ANO4: variants seen among roughly 807,000 people sequenced by gnomAD.
ANO4 encodes anoctamin-4.
In ANO4, 69 loss-of-function variants were observed where a neutral mutation model predicts 141.9. The ratio of observed to expected loss-of-function variants is 0.49; its 90% CI spans 0.40 to 0.59. The LOEUF (loss-of-function observed/expected upper bound fraction) is 0.59, where lower values mean the gene tolerates loss of function less well. ANO4 is among the 20% of genes least tolerant of loss of function. The pLI is 0.00. For synonymous variants in ANO4, 350 were observed against 394.3 expected, an observed-to-expected ratio of 0.89 and a Z score of 1.33; for missense variants, 894 against 1,162.2, an observed-to-expected ratio of 0.77 and a Z score of 3.36.
At chr12:100,992,280 A>C (rs1456645100) in intron 8 of ANO4, among the ~76,000 whole-genome samples, 1 of 152,114 alleles carries the variant, frequency 6.6e-6, no homozygotes, top group Non-Finnish European at 1.5e-5. Flanking sequence ...CAAGCTCTTA[A>C]ATGCCTACCT....
intron 2 of ANO4, among the ~76,000 whole-genome samples, chr12:100,912,978 G>T (rs2041181449): frequency 1.3e-5 from 2 of 152,126 alleles, no homozygotes; most frequent in Admixed American, 6.5e-5. Flanking sequence ...TGTGATGTGA[G>T]TTTAGTCAAT....
intron 1 of ANO4, among the ~76,000 whole-genome samples, chr12:100,847,867 A>G (rs1431610323): frequency 6.6e-6 from 1 of 152,214 alleles, no homozygotes; most frequent in African/African-American, 2.4e-5. Context: ...GTCTTTAGTA[A>G]CATCAAGTTA....
chr12:101,015,022 TC>T (rs1764071150), intron 8 of ANO4, among the ~76,000 whole-genome samples: 3 of 142,026 alleles, frequency 2.1e-5, no homozygotes, highest in Non-Finnish European at 4.7e-5. Context: ...AGATGGGGTC[TC>T]ACTATGTTGC....
At chr12:100,744,762 C>T (rs1313030475) in intron 3 of ANO4, among the ~76,000 whole-genome samples, 1 of 152,206 alleles carries the variant, frequency 6.6e-6, no homozygotes, top group Non-Finnish European at 1.5e-5. Context: ...AAAGCTTCGT[C>T]TCCATCCCTA....
At chr12:100,905,420 G>A (rs2136043448) in intron 2 of ANO4, among the ~76,000 whole-genome samples, 1 of 152,290 alleles carries the variant, frequency 6.6e-6, no homozygotes, top group East Asian at 1.9e-4. Flanking sequence ...AAACCCAGAA[G>A]TGCCACATCT....
At chr12:100,824,388 G>C (rs1490909189) in intron 1 of ANO4, among the ~76,000 whole-genome samples, 1 of 151,884 alleles carries the variant, frequency 6.6e-6, no homozygotes, top group Non-Finnish European at 1.5e-5. Context: ...CTAGGAACTT[G>C]AACAAGCAAT....
intron 1 of ANO4, among the ~76,000 whole-genome samples, chr12:100,832,624 A>G (rs2036689185): frequency 6.6e-6 from 1 of 152,116 alleles, no homozygotes; most frequent in Non-Finnish European, 1.5e-5. Context: ...TTAGTTGAGG[A>G]ATAGTCAGCT....
At chr12:101,025,726 C>A (rs1424555340) in intron 9 of ANO4, among the ~76,000 whole-genome samples, 1 of 152,162 alleles carries the variant, frequency 6.6e-6, no homozygotes, top group Non-Finnish European at 1.5e-5. Flanking sequence ...AAGGGTAATA[C>A]ATCATGACCA....
chr12:100,954,007 G>A (rs2043079450), intron 5 of ANO4, among the ~76,000 whole-genome samples: 1 of 152,126 alleles, frequency 6.6e-6, no homozygotes, highest in South Asian at 2.1e-4. Flanking sequence ...GGAGAGGCCC[G>A]ACCTAGTTGC....
In ANO4 at chr12:101,111,438, C is replaced by G. The variant is rs638615; in HGVS notation, c.2303-125C>G. 4.6e-6 allele frequency: 4 copies of G among 863,212 alleles called. No homozygotes were observed. The South Asian group carries it at 6.6e-5, about 14-fold the overall frequency. 53.5% of individuals were successfully genotyped at this position (863,212 alleles called of 1,614,324 possible). A position where few individuals can be genotyped will look rare whatever the true frequency, so the allele number is the denominator to read the frequency against. On this transcript the variant is annotated intron_variant, in intron 23 of 27. Transcript: ENST00000392977. ...CACAAATCTTTCCTCCTGGTTGCAA[C>G]TGTCAGTATTTGGAAAGATGAAGAA... is the stretch of plus-strand genomic sequence containing the variant.
At chr12:101,068,557 T>C (rs2048687357) in intron 14 of ANO4, 10 of 1,357,302 alleles carry the variant, frequency 7.4e-6, no homozygotes, top group Non-Finnish European at 9.5e-6. Context: ...GGAAAAATAC[T>C]AAAGAGATGT....
intron 3 of ANO4, among the ~76,000 whole-genome samples, chr12:100,770,616 C>G (rs866313270): frequency 2.6e-5 from 4 of 152,074 alleles, no homozygotes; most frequent in Non-Finnish European, 4.4e-5. Context: ...GTAAGGGACA[C>G]AAACACCTCT....
At chr12:100,985,899 A>G (rs904700639) in intron 7 of ANO4, among the ~76,000 whole-genome samples, 1 of 152,224 alleles carries the variant, frequency 6.6e-6, no homozygotes, top group Non-Finnish European at 1.5e-5. Flanking sequence ...TTAATTTTAT[A>G]TGTTCAACCT....
intron 1 of ANO4, among the ~76,000 whole-genome samples, chr12:100,900,176 T>C (rs1454813198): frequency 6.6e-6 from 1 of 152,138 alleles, no homozygotes; most frequent in African/African-American, 2.4e-5. Context: ...AATAGTAACA[T>C]CCAGCCTACT....
chr12:100,949,768 G>A (rs554471167), intron 5 of ANO4, among the ~76,000 whole-genome samples: 1 of 152,140 alleles, frequency 6.6e-6, no homozygotes, highest in African/African-American at 2.4e-5. Flanking sequence ...AACAAGTTTA[G>A]CATGATCAAG....
intron 14 of ANO4, among the ~76,000 whole-genome samples, chr12:101,073,631 C>T (rs2048914157): frequency 6.6e-6 from 1 of 150,916 alleles, no homozygotes; most frequent in Non-Finnish European, 1.5e-5. Flanking sequence ...GAAGAACATT[C>T]AGCCCTGTCC....
intron 1 of ANO4, among the ~76,000 whole-genome samples, chr12:100,887,375 A>G (rs1034162011): frequency 2.0e-5 from 3 of 152,156 alleles, no homozygotes; most frequent in Non-Finnish European, 2.9e-5. Context: ...CTACTCAGCT[A>G]TTTTTGTTGA....
At chr12:101,017,724 G>C (rs2046369296) in intron 8 of ANO4, among the ~76,000 whole-genome samples, 1 of 152,172 alleles carries the variant, frequency 6.6e-6, no homozygotes, top group South Asian at 2.1e-4. Context: ...GACGTTGGGT[G>C]CATCACTTAA....
chr12:101,021,838 A>T (rs1029006175), intron 9 of ANO4, among the ~76,000 whole-genome samples: 2 of 152,196 alleles, frequency 1.3e-5, no homozygotes, highest in African/African-American at 4.8e-5. Context: ...TCGAATAGAA[A>T]AGGAAGTACA....
Sources: gnomAD v4.1 joint callset for allele counts (sites outside exome capture counted in the v4.1 genomes callset) on GRCh38, gnomAD v4.1.1 for gene constraint, MANE v1.5 for transcripts, NCBI Gene and HGNC (gene_info 2026-07-23, HGNC 2026-07-21) for gene names.